ENAH: variants seen among roughly 807,000 people sequenced by gnomAD.
The protein encoded by ENAH is protein enabled homolog.
A neutral mutation model predicts 78.7 loss-of-function variants in ENAH; 23 were observed. The ratio of observed to expected loss-of-function variants is 0.29; its 90% CI spans 0.21 to 0.41. ENAH has a LOEUF of 0.41. Ranked by LOEUF, ENAH falls within the 10% of genes least tolerant of loss-of-function variation. ENAH has a pLI of 1.00. For synonymous variants in ENAH, 226 were observed against 241.0 expected, an observed-to-expected ratio of 0.94 and a Z score of 0.58; for missense variants, 544 against 691.0, an observed-to-expected ratio of 0.79 and a Z score of 2.39.
At chr1:225,552,261 C>T (rs558176217) in intron 3 of ENAH, among the ~76,000 whole-genome samples, 13 of 151,856 alleles carry the variant, frequency 8.6e-5, no homozygotes, top group South Asian at 6.3e-4. Flanking sequence ...CTCAGCCTCC[C>T]GAGTAGCTGG....
At chr1:225,539,232 T>C (rs1360958) in intron 3 of ENAH, among the ~76,000 whole-genome samples, 137,973 of 152,194 alleles carry the variant, frequency 0.91, 62,696 homozygotes, top group African/African-American at 0.95. Context: ...TCTCCATTGC[T>C]ACTGTTCTTG....
At chr1:225,530,984 G>A (rs1381261872) in intron 3 of ENAH, 1 of 400,806 alleles carries the variant, frequency 2.5e-6, no homozygotes, top group Non-Finnish European at 4.4e-6. Flanking sequence ...TTCTCTTTGG[G>A]GTAATTATTC....
intron 4 of ENAH, chr1:225,524,715 C>A (rs1037943130): frequency 2.3e-6 from 2 of 874,772 alleles, no homozygotes; most frequent in Non-Finnish European, 2.7e-6. Context: ...AATTATTATT[C>A]CCCTTTTATA....
chr1:225,623,961 A>G (rs1657480164), intron 1 of ENAH, among the ~76,000 whole-genome samples: 1 of 152,046 alleles, frequency 6.6e-6, no homozygotes, highest in African/African-American at 2.4e-5. Flanking sequence ...TATTGTTCCC[A>G]TCTTTGTGTC....
intron 1 of ENAH, among the ~76,000 whole-genome samples, chr1:225,598,851 CA>C (rs547584715): frequency 0.011 from 1,586 of 138,874 alleles, 11 homozygotes; most frequent in Middle Eastern, 0.026. Context: ...TTGATTCAGG[CA>C]AAAAAAAAAA....
intron 1 of ENAH, among the ~76,000 whole-genome samples, chr1:225,573,179 A>T (rs1370210970): frequency 6.6e-6 from 1 of 152,212 alleles, no homozygotes; most frequent in African/African-American, 2.4e-5. Context: ...CAAGTTGTTA[A>T]CAAATATCAA....
intron 4 of ENAH, among the ~76,000 whole-genome samples, chr1:225,525,221 C>G (rs1297118063): frequency 1.3e-5 from 2 of 152,056 alleles, no homozygotes; most frequent in African/African-American, 2.4e-5. Context: ...TGATTTAATT[C>G]CTATATCTCT....
intron 4 of ENAH, among the ~76,000 whole-genome samples, chr1:225,526,528 C>T (rs533561842): frequency 4.0e-5 from 6 of 151,654 alleles, no homozygotes; most frequent in Non-Finnish European, 8.8e-5. Context: ...TAGTAGAGAC[C>T]GGGTTTCACC....
chr1:225,569,522 A>G (rs988539839), intron 1 of ENAH, among the ~76,000 whole-genome samples: 2 of 152,240 alleles, frequency 1.3e-5, no homozygotes, highest in African/African-American at 4.8e-5. Context: ...GTAAGATCAT[A>G]TAAGCTAAAG....
intron 2 of ENAH, among the ~76,000 whole-genome samples, chr1:225,558,572 T>C (rs1029747386): frequency 6.6e-6 from 1 of 151,406 alleles, no homozygotes; most frequent in African/African-American, 2.4e-5. Context: ...ACAAGGACTT[T>C]AGAGACAAAC....
At chr1:225,618,381 G>C (rs1272707519) in intron 1 of ENAH, among the ~76,000 whole-genome samples, 1 of 152,060 alleles carries the variant, frequency 6.6e-6, no homozygotes, top group Admixed American at 6.5e-5. Context: ...ACTTAAAAAA[G>C]AATGGTCATC....
chr1:225,641,131 GGGATTACA>G lies in ENAH; in HGVS notation c.5+11547_5+11554del, dbSNP rs552348749. Among the ~76,000 whole-genome samples the G allele has an allele frequency of 8.7e-4, 132 of 151,638 alleles. 2 individuals carry two copies. In the East Asian group the frequency reaches 0.023, roughly 26 times the overall value. On this transcript the variant is annotated intron_variant, in intron 1 of 13. Transcript: ENST00000366843. The stretch of plus-strand genomic sequence containing the variant: ...ACCCGCCTCAGCCTCCCAAAGTGCT[GGGATTACA>G]GGCATGAGCCACCGCGCCCGGCCAA...
At chr1:225,626,348 AATGT>A (rs1365127211) in intron 1 of ENAH, among the ~76,000 whole-genome samples, 2 of 152,346 alleles carry the variant, frequency 1.3e-5, no homozygotes, top group East Asian at 3.9e-4. Flanking sequence ...CTACAGTTTG[AATGT>A]ATGTGTCTCT....
chr1:225,499,103 C>T (rs748939012), intron 12 of ENAH, among the ~76,000 whole-genome samples: 5 of 152,004 alleles, frequency 3.3e-5, no homozygotes, highest in Non-Finnish European at 5.9e-5. Flanking sequence ...TAAAATAACT[C>T]GTTAGTAATT....
intron 1 of ENAH, among the ~76,000 whole-genome samples, chr1:225,602,367 G>A (rs2096935300): frequency 1.3e-5 from 2 of 151,970 alleles, no homozygotes; most frequent in South Asian, 2.1e-4. Flanking sequence ...CAAAAGCTAC[G>A]GTCATTTTTA....
intron 1 of ENAH, among the ~76,000 whole-genome samples, chr1:225,572,269 G>A (rs1195410133): frequency 2.0e-5 from 3 of 152,082 alleles, no homozygotes; most frequent in Admixed American, 1.3e-4. Flanking sequence ...AAAATAAATT[G>A]GTGGTAAGCA....
chr1:225,647,896 A>G (rs1346813215), intron 1 of ENAH, among the ~76,000 whole-genome samples: 1 of 152,228 alleles, frequency 6.6e-6, no homozygotes. Flanking sequence ...ATCCTCTTCA[A>G]GGAACTTACA....
intron 11 of ENAH, chr1:225,505,144 A>G (rs536268362): frequency 8.0e-6 from 7 of 879,668 alleles, no homozygotes; most frequent in Non-Finnish European, 1.2e-5. Context: ...TGTTAATAGC[A>G]AACAAAACAA....
At chr1:225,570,133 T>C (rs1465230598) in intron 1 of ENAH, among the ~76,000 whole-genome samples, 1 of 143,846 alleles carries the variant, frequency 7.0e-6, no homozygotes, top group Non-Finnish European at 1.5e-5. Context: ...ACTCACACCA[T>C]GGACTCCAGC....
Sources: gnomAD v4.1 joint callset for allele counts (sites outside exome capture counted in the v4.1 genomes callset) on GRCh38, gnomAD v4.1.1 for gene constraint, MANE v1.5 for transcripts, NCBI Gene and HGNC (gene_info 2026-07-23, HGNC 2026-07-21) for gene names.